PDHX: variants seen among roughly 807,000 people sequenced by gnomAD.
PDHX encodes the protein pyruvate dehydrogenase protein X component, mitochondrial.
In PDHX, 33 loss-of-function variants were observed where a neutral mutation model predicts 55.3. The observed-to-expected ratio is 0.60, with a 90% CI of 0.45 to 0.80. PDHX has a LOEUF of 0.80. Among genes scored for constraint, PDHX ranks in the 30% least tolerant of loss-of-function variants. The pLI is 0.00. For missense variants in PDHX, 622 were observed against 619.9 expected, an observed-to-expected ratio of 1.00 and a Z score of -0.04; for synonymous variants, 226 against 219.4, an observed-to-expected ratio of 1.03 and a Z score of -0.27.
chr11:34,942,535 C>T (rs3852515), intron 2 of PDHX, among the ~76,000 whole-genome samples: 33,764 of 152,070 alleles, frequency 0.22, 4,918 homozygotes, highest in Non-Finnish European at 0.34. Flanking sequence ...AGGAGAGGTT[C>T]CTTGTAACTA....
intron 2 of PDHX, among the ~76,000 whole-genome samples, chr11:34,932,992 C>A (rs1003066148): frequency 1.3e-4 from 20 of 151,930 alleles, no homozygotes; most frequent in Admixed American, 8.5e-4. Context: ...TATCATTTAT[C>A]AAAGAAAGAG....
chr11:34,950,336 T>C (rs921561644), intron 3 of PDHX, among the ~76,000 whole-genome samples: 5 of 151,316 alleles, frequency 3.3e-5, no homozygotes, highest in African/African-American at 1.2e-4. Context: ...TCTAATTTTT[T>C]CTTTTTTTAA....
At chr11:34,956,687 G>A (rs1854911772) in intron 3 of PDHX, among the ~76,000 whole-genome samples, 1 of 150,812 alleles carries the variant, frequency 6.6e-6, no homozygotes, top group South Asian at 2.1e-4. Context: ...TGTTTAATTG[G>A]CATTATCTGT....
At chr11:34,977,153 GTCTC>G (rs1855396852) in intron 7 of PDHX, among the ~76,000 whole-genome samples, 1 of 152,056 alleles carries the variant, frequency 6.6e-6, no homozygotes, top group Admixed American at 6.6e-5. Context: ...CCTTTCTGTA[GTCTC>G]CAGGATGCCT....
chr11:34,980,155 T>G (rs1297805911), intron 8 of PDHX, among the ~76,000 whole-genome samples: 1 of 148,412 alleles, frequency 6.7e-6, no homozygotes, highest in African/African-American at 2.6e-5. Flanking sequence ...AGAGTCATTT[T>G]GTTTCTTATA....
At chr11:34,937,719 C>T (rs1854368523) in intron 2 of PDHX, among the ~76,000 whole-genome samples, 1 of 152,132 alleles carries the variant, frequency 6.6e-6, no homozygotes, top group Admixed American at 6.5e-5. Flanking sequence ...GCCTACTCCC[C>T]TAAAGAGTCC....
rs529801753 is a variant in PDHX at position 34,916,629 on chromosome 11, C to G, written c.-27C>G. On this transcript the variant is annotated 5_prime_UTR_variant, in exon 1 of 11. Coordinates refer to ENST00000227868, the MANE Select transcript of PDHX (RefSeq NM_003477.3). ...TGATGCTGGACATCAGGCTGTGCTGCGGGCAGCCAGTGAGAAGGCCGTCAA... is the reference window on the plus strand; with the variant it reads ...TGATGCTGGACATCAGGCTGTGCTGGGGGCAGCCAGTGAGAAGGCCGTCAA... 2.5e-6 allele frequency: 4 copies of G among 1,602,876 alleles called. No homozygotes were observed. The highest frequency in any genetic ancestry group is 3.4e-6 in the Non-Finnish European group (4 of 1,179,604).
chr11:34,921,145 A>G (rs1240832564), intron 1 of PDHX, among the ~76,000 whole-genome samples: 1 of 152,216 alleles, frequency 6.6e-6, no homozygotes, highest in Non-Finnish European at 1.5e-5. Flanking sequence ...CTCTAGTAAA[A>G]GTAGGATTTA....
At chr11:34,984,492 C>G in intron 8 of PDHX, 78 bp from the exon 9 acceptor site, 2 of 1,273,408 alleles carry the variant, frequency 1.6e-6, no homozygotes, top group Non-Finnish European at 2.3e-6. Context: ...TTGGAAAATG[C>G]ACAATGATTT....
chr11:34,987,693 G>A (rs1352395374), intron 9 of PDHX, among the ~76,000 whole-genome samples: 1 of 151,122 alleles, frequency 6.6e-6, no homozygotes, highest in East Asian at 2.0e-4. Flanking sequence ...GGATGAATAG[G>A]CATTAAAAAT....
intron 8 of PDHX, among the ~76,000 whole-genome samples, chr11:34,980,366 T>TTTTTTTTTTTTTTTTTTTA (rs1855483460): frequency 7.0e-6 from 1 of 143,036 alleles, no homozygotes. Context: ...TTTTTTTTTT[T>TTTTTTTTTTTTTTTTTTTA]GAGCAGCAGC....
Position 34,931,536 on chromosome 11 carries a change from G to GTT in PDHX, c.241+55_241+56dup, listed in dbSNP as rs368865759. On this transcript the variant is annotated intron_variant, in intron 2 of 10. Transcript: ENST00000227868. ...GTGTGCTTTGTTATTTGGTTATTTTGTTTTGTTTTTTTTTTTCCTAATCTG... is the reference window on the plus strand; with the variant it reads ...GTGTGCTTTGTTATTTGGTTATTTTGTTTTTTGTTTTTTTTTTTCCTAATCTG... 8,323 of 863,238 alleles carry GTT rather than the reference G, an allele frequency of 9.6e-3. 37 individuals carry two copies. The highest frequency in any genetic ancestry group is 0.014 in the African/African-American group (685 of 48,400). The allele number at this position is 863,238 out of a possible 1,614,324, so 53.5% of individuals were successfully genotyped here.
chr11:34,976,027 C>A (rs551929834), intron 7 of PDHX, among the ~76,000 whole-genome samples: 1 of 152,292 alleles, frequency 6.6e-6, no homozygotes, highest in Non-Finnish European at 1.5e-5. Flanking sequence ...GTTCTCAGAT[C>A]ATACTTGCTT....
At chr11:34,922,902 GTATT>G (rs67006335) in intron 1 of PDHX, among the ~76,000 whole-genome samples, 71,931 of 149,620 alleles carry the variant, frequency 0.48, 18,575 homozygotes, top group East Asian at 0.69. Context: ...GTGTGTGTAT[GTATT>G]CTTTTGCTAG....
At chr11:34,958,709 G>A (rs955256180) in intron 4 of PDHX, among the ~76,000 whole-genome samples, 1 of 152,134 alleles carries the variant, frequency 6.6e-6, no homozygotes, top group Non-Finnish European at 1.5e-5. Context: ...TTGGAAGACA[G>A]TCTCACTGAT....
chr11:34,973,687 C>T (rs1386585727), intron 7 of PDHX, among the ~76,000 whole-genome samples: 4 of 152,270 alleles, frequency 2.6e-5, no homozygotes, highest in African/African-American at 2.4e-5. Context: ...TATACTTGCA[C>T]TTCCTCCCTC....
chr11:34,986,266 T>C (rs2133999901), intron 9 of PDHX, among the ~76,000 whole-genome samples: 1 of 150,866 alleles, frequency 6.6e-6, no homozygotes, highest in East Asian at 1.9e-4. Context: ...GATTGTGCCA[T>C]TTGCACTGCA....
intron 3 of PDHX, among the ~76,000 whole-genome samples, chr11:34,953,926 C>G (rs1854842896): frequency 6.6e-6 from 1 of 152,318 alleles, no homozygotes; most frequent in South Asian, 2.1e-4. Flanking sequence ...TATTCAAGGG[C>G]TTAATGAATG....
rs1455181862 is a variant in PDHX, at chr11:34,970,154, A to G, written c.832A>G (p.Ile278Val). The change falls in exon 7 of 11, where the codon ATC (isoleucine) becomes GTC (valine). Residue 278 changes from isoleucine (I) to valine (V), a missense_variant. Transcript: ENST00000227868. Reference protein sequence around the residue: ...QPNAVGTFTEIPASNIRRVIA... With the variant: ...QPNAVGTFTEVPASNIRRVIA... ...CTTTTTGCAGGGCACATTCACTGAA[A>G]TCCCCGCCAGCAATATTCGAAGAGT... 3.7e-6 allele frequency: 6 copies of G among 1,613,666 alleles called. No homozygotes were observed. Among genetic ancestry groups the G allele is most frequent in the East Asian group, 4.5e-5 (2 of 44,870 alleles).
Sources: allele counts gnomAD v4.1 joint callset (sites outside exome capture counted in the v4.1 genomes callset), GRCh38; gene constraint gnomAD v4.1.1; transcripts MANE v1.5; gene names NCBI Gene and HGNC (gene_info 2026-07-23, HGNC 2026-07-21).